The following LAPTM4B variants were observed in gnomAD, a reference collection of about 807,000 sequenced individuals.
LAPTM4B encodes lysosomal protein transmembrane 4 beta.
A neutral mutation model predicts 28.5 loss-of-function variants in LAPTM4B; 26 were observed. The observed-to-expected ratio is 0.91, with a 90% CI of 0.67 to 1.27. The LOEUF (loss-of-function observed/expected upper bound fraction) is 1.27, where lower values mean the gene tolerates loss of function less well. Among genes scored for constraint, LAPTM4B ranks in the 50% most tolerant of loss-of-function variants. The probability of loss-of-function intolerance (pLI) is 0.00; values close to 1 mark genes in which losing one functional copy is unlikely to be tolerated. For missense variants in LAPTM4B, 288 were observed against 285.8 expected (o/e 1.01, Z -0.06); for synonymous variants, 109 against 106.4 (o/e 1.02, Z -0.15).
chr8:97,830,940 C>T (rs1257336985), intron 6 of LAPTM4B, among the ~76,000 whole-genome samples: 9 of 151,962 alleles, frequency 5.9e-5, no homozygotes, highest in Admixed American at 4.6e-4. Context: ...GAGGTTGGGC[C>T]CATGTAAAAA....
chr8:97,822,022 A>G (rs972682745), intron 5 of LAPTM4B, among the ~76,000 whole-genome samples: 1 of 152,196 alleles, frequency 6.6e-6, no homozygotes, highest in African/African-American at 2.4e-5. Context: ...GCAGTTAAGG[A>G]TGGGAGTGAA....
chr8:97,824,533 C>T (rs763845186), intron 5 of LAPTM4B, among the ~76,000 whole-genome samples: 3 of 151,990 alleles, frequency 2.0e-5, no homozygotes, highest in Non-Finnish European at 1.5e-5. Flanking sequence ...TCGGATATTT[C>T]GTTAATAAAG....
chr8:97,789,596 C>T (rs1236122579), intron 1 of LAPTM4B, among the ~76,000 whole-genome samples: 5 of 147,680 alleles, frequency 3.4e-5, no homozygotes, highest in Admixed American at 6.8e-5. Flanking sequence ...GGTGTGATCT[C>T]GGCTCATCGC....
intron 6 of LAPTM4B, among the ~76,000 whole-genome samples, chr8:97,846,274 A>T (rs1342611016): frequency 1.3e-5 from 2 of 151,938 alleles, no homozygotes; most frequent in African/African-American, 4.8e-5. Context: ...AAATAAGCCT[A>T]TAGTGACTTA....
chr8:97,788,359 T>G lies in LAPTM4B; in HGVS notation c.99+12251T>G, dbSNP rs564185438. The G allele has an allele frequency of 4.7e-5, 15 of 322,094 alleles. No individual in the cohort carries two copies. In the South Asian group the frequency reaches 5.3e-4, roughly 11 times the overall value. The allele number at this position is 322,094 out of a possible 1,614,324, so 20.0% of individuals were successfully genotyped here. A position where few individuals can be genotyped will look rare whatever the true frequency, so the allele number is the denominator to read the frequency against. ...ATCCTGAAAGTCTTGTGAGAAGACA[T>G]GGCAAGAAGCGGAGTCAGGCACACA... On this transcript the variant is annotated intron_variant, in intron 1 of 6. Transcript: ENST00000521545.
chr8:97,796,595 T>TAC (rs1816587868), intron 1 of LAPTM4B, among the ~76,000 whole-genome samples: 1 of 152,242 alleles, frequency 6.6e-6, no homozygotes, highest in African/African-American at 2.4e-5. Context: ...CATTGTATGT[T>TAC]GTAGTGCTTT....
intron 2 of LAPTM4B, among the ~76,000 whole-genome samples, chr8:97,813,389 C>G (rs946151394): frequency 1.3e-5 from 2 of 152,262 alleles, no homozygotes; most frequent in Non-Finnish European, 2.9e-5. Context: ...TTCATCTTCT[C>G]CTACCTGCTT....
At chr8:97,844,353 T>A (rs1219821439) in intron 6 of LAPTM4B, among the ~76,000 whole-genome samples, 1 of 152,134 alleles carries the variant, frequency 6.6e-6, no homozygotes, top group Non-Finnish European at 1.5e-5. Context: ...TGCCTTGGCC[T>A]CCCAAAGTGC....
chr8:97,812,202 A>ATTTTT (rs1163406588), intron 2 of LAPTM4B, among the ~76,000 whole-genome samples: 2 of 109,184 alleles, frequency 1.8e-5, no homozygotes, highest in Non-Finnish European at 3.7e-5. Flanking sequence ...TAAATTAATT[A>ATTTTT]TTTGTTTTTT....
In LAPTM4B at chr8:97,775,956, C is replaced by T. The variant is rs1174254975; in HGVS notation, c.-54C>T. On this transcript the variant is annotated 5_prime_UTR_variant, in exon 1 of 7. Transcript: ENST00000521545. ...GCGGCGCGGCGGGCTCCAGGCGAGG[C>T]GGTCGACGCTCCTGAAAACTTGCGC... 6.6e-7 allele frequency: 1 copy of T among 1,511,928 alleles called. No individual in the cohort carries two copies. Among genetic ancestry groups the T allele is most frequent in the Non-Finnish European group, 8.8e-7 (1 of 1,139,772 alleles). The allele number at this position is 1,511,928 out of a possible 1,614,324, so 93.7% of individuals were successfully genotyped here. A position where few individuals can be genotyped will look rare whatever the true frequency, so the allele number is the denominator to read the frequency against.
At chr8:97,839,413 G>A (rs1000447308) in intron 6 of LAPTM4B, among the ~76,000 whole-genome samples, 5 of 152,046 alleles carry the variant, frequency 3.3e-5, no homozygotes, top group African/African-American at 4.8e-5. Flanking sequence ...GGCCGATCTC[G>A]AACTCCTGAC....
intron 2 of LAPTM4B, among the ~76,000 whole-genome samples, chr8:97,808,982 AGT>A: frequency 6.6e-6 from 1 of 152,142 alleles, no homozygotes. Context: ...GAAAAAAGAA[AGT>A]AATTACAAAC....
At chr8:97,797,284 G>A (rs926542442) in intron 1 of LAPTM4B, among the ~76,000 whole-genome samples, 3 of 151,908 alleles carry the variant, frequency 2.0e-5, no homozygotes, top group African/African-American at 7.3e-5. Context: ...ACAGACATGC[G>A]CCACCACGCA....
chr8:97,782,467 C>T (rs1816337138), intron 1 of LAPTM4B, among the ~76,000 whole-genome samples: 1 of 151,298 alleles, frequency 6.6e-6, no homozygotes. Flanking sequence ...GAGACAGAGC[C>T]TCACTCTGTT....
chr8:97,836,863 CATCTAACTGCTTGAAA>C (rs1452564932), intron 6 of LAPTM4B, among the ~76,000 whole-genome samples: 1 of 151,948 alleles, frequency 6.6e-6, no homozygotes, highest in Non-Finnish European at 1.5e-5. Flanking sequence ...CCTTCTTTTG[CATCTAACTGCTTGAAA>C]AACGCAATTG....
chr8:97,838,064 G>C (rs891803063), intron 6 of LAPTM4B, among the ~76,000 whole-genome samples: 2 of 152,208 alleles, frequency 1.3e-5, no homozygotes, highest in Non-Finnish European at 2.9e-5. Context: ...CAGAGGCAGG[G>C]TTAGAGGCAG....
intron 1 of LAPTM4B, among the ~76,000 whole-genome samples, chr8:97,804,237 C>T (rs2129768583): frequency 6.6e-6 from 1 of 152,310 alleles, no homozygotes; most frequent in South Asian, 2.1e-4. Flanking sequence ...CCAGTCTTAG[C>T]TGGTGCCTCA....
intron 6 of LAPTM4B, among the ~76,000 whole-genome samples, chr8:97,837,560 T>A (rs1350087315): frequency 6.6e-6 from 1 of 152,262 alleles, no homozygotes; most frequent in Admixed American, 6.5e-5. Context: ...TTTTTTTCCC[T>A]TCATAAAAGT....
In LAPTM4B at chr8:97,838,934, G is replaced by A. The variant is rs528583824; in HGVS notation, c.604-12463G>A. On this transcript the variant is annotated intron_variant, in intron 6 of 6. Coordinates refer to ENST00000521545, the MANE Select transcript of LAPTM4B (RefSeq NM_018407.6). ...AGGGCAGCTGCTTATCTATATAGTT[G>A]TGCTACACAGTCCTGCTTCCCATAC... Among the ~76,000 whole-genome samples the A allele has an allele frequency of 2.6e-5, 4 of 152,270 alleles. No homozygotes were observed. In the South Asian group the frequency reaches 8.3e-4, roughly 32 times the overall value.
Sources: gnomAD v4.1 joint callset for allele counts (sites outside exome capture counted in the v4.1 genomes callset) on GRCh38, gnomAD v4.1.1 for gene constraint, MANE v1.5 for transcripts, NCBI Gene and HGNC (gene_info 2026-07-23, HGNC 2026-07-21) for gene names.